Variants in ADGRB3 observed in about 807,000 individuals in gnomAD.
ADGRB3 encodes adhesion G protein-coupled receptor B3, also known as brain-specific angiogenesis inhibitor 3.
Under a neutral mutation model 193.4 loss-of-function variants are expected in ADGRB3, and 37 were observed. The ratio of observed to expected loss-of-function variants is 0.19; its 90% confidence interval spans 0.15 to 0.25. The LOEUF is 0.25. ADGRB3 is among the 10% of genes least tolerant of loss of function. ADGRB3 has a pLI of 1.00. For synonymous variants in ADGRB3, 690 were observed against 644.2 expected, an observed-to-expected ratio of 1.07 and a Z score of -1.08; for missense variants, 1,637 against 1,852.9, an observed-to-expected ratio of 0.88 and a Z score of 2.14.
At chr6:69,164,098 A>C (rs1199257431) in intron 17 of ADGRB3, among the ~76,000 whole-genome samples, 2 of 151,940 alleles carry the variant, frequency 1.3e-5, no homozygotes, top group African/African-American at 2.4e-5. Flanking sequence ...TTTTTTTCCC[A>C]AGGTGAAAGG....
chr6:68,831,783 A>G (rs1562048206), intron 3 of ADGRB3, among the ~76,000 whole-genome samples: 1 of 152,214 alleles, frequency 6.6e-6, no homozygotes. Context: ...GTGCCCCCAA[A>G]GTTTGGGAAC....
At chr6:68,728,580 A>G (rs1318981626) in intron 3 of ADGRB3, among the ~76,000 whole-genome samples, 1 of 151,466 alleles carries the variant, frequency 6.6e-6, no homozygotes, top group Non-Finnish European at 1.5e-5. Context: ...ACACACACAA[A>G]CACACACACG....
At chr6:69,357,210 T>C (rs1769355149) in intron 28 of ADGRB3, among the ~76,000 whole-genome samples, 1 of 152,076 alleles carries the variant, frequency 6.6e-6, no homozygotes, top group Admixed American at 6.6e-5. Context: ...CACAGTGGGC[T>C]CTTTACTTGT....
At chr6:69,326,852 G>T (rs1768583909) in intron 21 of ADGRB3, among the ~76,000 whole-genome samples, 1 of 151,848 alleles carries the variant, frequency 6.6e-6, no homozygotes, top group Non-Finnish European at 1.5e-5. Context: ...GGAGGATAAG[G>T]ATGAGGAGGG....
chr6:68,728,707 C>T (rs952755444), intron 3 of ADGRB3, among the ~76,000 whole-genome samples: 1 of 151,362 alleles, frequency 6.6e-6, no homozygotes, highest in African/African-American at 2.4e-5. Context: ...CCCTTTTTTG[C>T]AGATGAAGAA....
At chr6:69,157,741 C>T (rs948766775) in intron 17 of ADGRB3, among the ~76,000 whole-genome samples, 5 of 151,416 alleles carry the variant, frequency 3.3e-5, no homozygotes, top group Admixed American at 2.0e-4. Context: ...AATTCCCTTT[C>T]CCCTCCATGA....
chr6:69,224,830 A>T (rs759746762), intron 17 of ADGRB3, among the ~76,000 whole-genome samples: 1 of 152,164 alleles, frequency 6.6e-6, no homozygotes, highest in Non-Finnish European at 1.5e-5. Context: ...AGAAAAAAAT[A>T]CTTAAAATTA....
chr6:69,132,338 C>T (rs992943332), intron 17 of ADGRB3, among the ~76,000 whole-genome samples: 1 of 152,156 alleles, frequency 6.6e-6, no homozygotes, highest in Admixed American at 6.5e-5. Flanking sequence ...GAGATAGTAT[C>T]TCATTGTGGT....
At chr6:68,726,624 C>G (rs956933095) in intron 3 of ADGRB3, among the ~76,000 whole-genome samples, 9 of 151,436 alleles carry the variant, frequency 5.9e-5, no homozygotes, top group Admixed American at 2.0e-4. Flanking sequence ...TGGTTATTTC[C>G]CTATATGGAA....
At position 68,951,761 on chromosome 6, in the gene ADGRB3, C is replaced by G. The variant is rs565831882; in HGVS notation, c.1196-4263C>G. ...TTAAATTCGTAGGTTTGCAATGACC[C>G]TGAGAGGTCCCTCTTACAAATATTG... On this transcript the variant is annotated intron_variant, in intron 6 of 31. Transcript: ENST00000370598. Among the ~76,000 whole-genome samples the G allele has an allele frequency of 3.9e-5, 6 of 152,190 alleles. 1 individual carries two copies. The South Asian group carries it at 1.2e-3, about 32-fold the overall frequency.
At chr6:68,671,323 G>T (rs952034417) in intron 3 of ADGRB3, among the ~76,000 whole-genome samples, 1 of 151,940 alleles carries the variant, frequency 6.6e-6, no homozygotes, top group African/African-American at 2.4e-5. Context: ...GGGAAACCTT[G>T]TTGTTTTCCA....
chr6:69,103,403 A>G (rs1204383643), intron 17 of ADGRB3, among the ~76,000 whole-genome samples: 2 of 152,246 alleles, frequency 1.3e-5, no homozygotes, highest in Non-Finnish European at 2.9e-5. Context: ...AACCAAATTA[A>G]ACAAGTAATT....
At chr6:68,644,625 A>T (rs1415383519) in intron 3 of ADGRB3, among the ~76,000 whole-genome samples, 1 of 152,162 alleles carries the variant, frequency 6.6e-6, no homozygotes, top group African/African-American at 2.4e-5. Flanking sequence ...CTTGATTATG[A>T]TCTATGTTAG....
At chr6:69,019,441 A>AT (rs568104166) in intron 13 of ADGRB3, among the ~76,000 whole-genome samples, 32 of 151,482 alleles carry the variant, frequency 2.1e-4, no homozygotes, top group Admixed American at 1.3e-3. Flanking sequence ...AGAGAACATA[A>AT]TTTTTTTTTA....
chr6:69,341,106 T>C (rs1364923736), intron 26 of ADGRB3, among the ~76,000 whole-genome samples: 1 of 152,150 alleles, frequency 6.6e-6, no homozygotes, highest in Admixed American at 6.5e-5. Flanking sequence ...AGGAGAATGA[T>C]GTATAATCCT....
chr6:69,097,690 GTA>G (rs1446040070), intron 17 of ADGRB3, among the ~76,000 whole-genome samples: 3 of 145,842 alleles, frequency 2.1e-5, no homozygotes, highest in African/African-American at 4.9e-5. Context: ...ATATGTGTGT[GTA>G]TATATGTGTG....
chr6:68,999,214 G>A lies in ADGRB3; in HGVS notation c.1929+5252G>A, dbSNP rs145845963. Reference sequence around the variant, plus strand: ...ATATTCTTTTCCAAACCTTTGGACTGTCATAACTCCAAGACTATTCATTAA... The same window carrying A: ...ATATTCTTTTCCAAACCTTTGGACTATCATAACTCCAAGACTATTCATTAA... On this transcript the variant is annotated intron_variant, in intron 11 of 31. Transcript: ENST00000370598. 4.2e-3 allele frequency among the ~76,000 whole-genome samples: 636 copies of A among 151,096 alleles called. 5 individuals are homozygous for A. The highest frequency in any genetic ancestry group is 0.011 in the Middle Eastern group (3 of 284).
intron 6 of ADGRB3, among the ~76,000 whole-genome samples, chr6:68,950,383 T>A (rs1391776973): frequency 6.6e-6 from 1 of 152,278 alleles, no homozygotes; most frequent in Non-Finnish European, 1.5e-5. Flanking sequence ...GAAGAAATTA[T>A]GTATTCTAGT....
At chr6:68,970,314 T>A (rs1188143731) in intron 8 of ADGRB3, among the ~76,000 whole-genome samples, 1 of 151,804 alleles carries the variant, frequency 6.6e-6, no homozygotes, top group Non-Finnish European at 1.5e-5. Flanking sequence ...AAATGGAATC[T>A]TGATCTGTCA....
Sources: gnomAD v4.1 joint callset for allele counts (sites outside exome capture counted in the v4.1 genomes callset) on GRCh38, gnomAD v4.1.1 for gene constraint, MANE v1.5 for transcripts, NCBI Gene and HGNC (gene_info 2026-07-23, HGNC 2026-07-21) for gene names.